The following PTPRR variants were observed in gnomAD, a reference collection of about 807,000 sequenced individuals.
PTPRR encodes the protein protein tyrosine phosphatase receptor type R.
PTPRR carries 38 observed loss-of-function variants against 77.2 expected under a neutral mutation model. The observed-to-expected ratio is 0.49, with a 90% confidence interval of 0.38 to 0.65. The LOEUF (loss-of-function observed/expected upper bound fraction) is 0.65. Among genes scored for constraint, PTPRR ranks in the 30% least tolerant of loss-of-function variants. The probability of loss-of-function intolerance (pLI) is 0.00; values close to 1 mark genes in which losing one functional copy is unlikely to be tolerated. For missense variants in PTPRR, 744 were observed against 799.2 expected (o/e 0.93, Z 0.83); for synonymous variants, 299 against 283.1 (o/e 1.06, Z -0.57).
intron 10 of PTPRR, among the ~76,000 whole-genome samples, chr12:70,680,051 G>A (rs1386658384): frequency 6.6e-6 from 1 of 152,046 alleles, no homozygotes; most frequent in Non-Finnish European, 1.5e-5. Flanking sequence ...TTGTGTATCT[G>A]CTGTAATTTT....
chr12:70,672,746 C>T, intron 10 of PTPRR: 3 of 1,552,038 alleles, frequency 1.9e-6, no homozygotes, highest in Non-Finnish European at 2.6e-6. Flanking sequence ...GTCATCCTGA[C>T]TGGGACCTCC....
intron 2 of PTPRR, among the ~76,000 whole-genome samples, chr12:70,772,531 G>C (rs533429875): frequency 1.3e-5 from 2 of 152,230 alleles, no homozygotes; most frequent in African/African-American, 4.8e-5. Flanking sequence ...AATGCTATAG[G>C]AATCAGAGAG....
At chr12:70,780,073 C>T (rs1367102777) in intron 2 of PTPRR, among the ~76,000 whole-genome samples, 4 of 151,958 alleles carry the variant, frequency 2.6e-5, no homozygotes, top group African/African-American at 4.8e-5. Context: ...CTCACTGCAA[C>T]CTCCGCCTAC....
intron 2 of PTPRR, chr12:70,788,853 C>T: frequency 6.6e-7 from 1 of 1,524,186 alleles, no homozygotes; most frequent in Non-Finnish European, 8.8e-7. Context: ...ATGAAGTCGA[C>T]TTCCATTTGC....
At chr12:70,736,151 GC>G (rs1224190900) in intron 6 of PTPRR, among the ~76,000 whole-genome samples, 1 of 152,042 alleles carries the variant, frequency 6.6e-6, no homozygotes. Context: ...TTACCACCAG[GC>G]CTCCAGAATG....
intron 5 of PTPRR, among the ~76,000 whole-genome samples, chr12:70,749,323 A>G (rs547528554): frequency 2.6e-5 from 4 of 152,166 alleles, no homozygotes; most frequent in Admixed American, 2.6e-4. Context: ...GTTCTTGGTC[A>G]AGTCATTTAT....
chr12:70,671,884 G>A lies in PTPRR; in HGVS notation c.1498-9279C>T. 7.1e-6 allele frequency: 5 copies of A among 702,492 alleles called. No individual in the cohort carries two copies. In the South Asian group the frequency reaches 9.2e-5, roughly 13 times the overall value. The allele number at this position is 702,492 out of a possible 1,614,324, so 43.5% of individuals were successfully genotyped here. A position where few individuals can be genotyped will look rare whatever the true frequency, so the allele number is the denominator to read the frequency against. ...CTCTGGCCCCACAAGCACTAACCCA[G>A]CGCAGGAGGACCAGCCACCGCCGCC... On this transcript the variant is annotated intron_variant, in intron 10 of 13. Transcript: ENST00000283228.
At chr12:70,707,882 TATG>T (rs1266348977) in intron 6 of PTPRR, among the ~76,000 whole-genome samples, 2 of 152,056 alleles carry the variant, frequency 1.3e-5, no homozygotes, top group African/African-American at 2.4e-5. Context: ...GCACTGAAAA[TATG>T]ATAAAACCTG....
At chr12:70,883,406 C>G (rs1222740995) in intron 2 of PTPRR, among the ~76,000 whole-genome samples, 1 of 152,208 alleles carries the variant, frequency 6.6e-6, no homozygotes, top group Non-Finnish European at 1.5e-5. Flanking sequence ...TACCACTTCT[C>G]TGGTAAGCCG....
intron 2 of PTPRR, among the ~76,000 whole-genome samples, chr12:70,863,476 G>T (rs940073482): frequency 2.0e-5 from 3 of 151,976 alleles, no homozygotes; most frequent in South Asian, 4.1e-4. Flanking sequence ...TTTTTAATTT[G>T]TGAAAAATTA....
In PTPRR at chr12:70,764,844, T is replaced by C. The variant is rs1890777870; in HGVS notation, c.358-66A>G. 27 of 1,174,374 alleles carry C rather than the reference T, an allele frequency of 2.3e-5. No individual in the cohort carries two copies. The South Asian group carries it at 3.0e-4, about 13-fold the overall frequency. The allele number at this position is 1,174,374 out of a possible 1,614,324, so 72.7% of individuals were successfully genotyped here. The stretch of plus-strand genomic sequence containing the variant: ...AATTTGTATAGATGTATAGAATACA[T>C]CCAAATAAGTATTAATAAGTTCACG... On this transcript the variant is annotated intron_variant, in intron 2 of 13. Coordinates refer to ENST00000283228, the MANE Select transcript of PTPRR (RefSeq NM_002849.4).
intron 10 of PTPRR, among the ~76,000 whole-genome samples, chr12:70,665,732 C>T (rs892947683): frequency 4.6e-5 from 7 of 151,678 alleles, no homozygotes; most frequent in Non-Finnish European, 7.4e-5. Context: ...CTCCTTCTGG[C>T]CCCCACCAAG....
intron 2 of PTPRR, among the ~76,000 whole-genome samples, chr12:70,866,592 C>T (rs1243312329): frequency 1.3e-5 from 2 of 152,160 alleles, no homozygotes; most frequent in African/African-American, 4.8e-5. Flanking sequence ...CAGCCGAATT[C>T]TACCAAAGGT....
At chr12:70,736,985 C>T (rs1889884410) in intron 6 of PTPRR, among the ~76,000 whole-genome samples, 1 of 152,178 alleles carries the variant, frequency 6.6e-6, no homozygotes, top group Non-Finnish European at 1.5e-5. Flanking sequence ...GCTGGTGCCC[C>T]ATCCTCTCCT....
At position 70,873,989 on chromosome 12, in the gene PTPRR, C is replaced by A. The variant is rs144674137; in HGVS notation, c.357+18690G>T. Among the ~76,000 whole-genome samples the A allele has an allele frequency of 4.5e-3, 685 of 152,248 alleles. 2 individuals carry two copies. Among genetic ancestry groups the A allele is most frequent in the Non-Finnish European group, 6.9e-3 (467 of 68,016 alleles). On this transcript the variant is annotated intron_variant, in intron 2 of 13. Coordinates refer to ENST00000283228, the MANE Select transcript of PTPRR (RefSeq NM_002849.4). Reference sequence around the variant, plus strand: ...GGTTAAAAAGTTTTCCTGCTATGTGCTAAGTGGGTTCTGAGGCTACTAATA... The same window carrying A: ...GGTTAAAAAGTTTTCCTGCTATGTGATAAGTGGGTTCTGAGGCTACTAATA...
chr12:70,744,613 T>C (rs1244886000), intron 6 of PTPRR, among the ~76,000 whole-genome samples: 1 of 152,216 alleles, frequency 6.6e-6, no homozygotes, highest in Non-Finnish European at 1.5e-5. Context: ...CCAAGCTATA[T>C]TTTCTGAAGG....
intron 1 of PTPRR, among the ~76,000 whole-genome samples, chr12:70,895,267 A>G (rs1893407809): frequency 6.6e-6 from 1 of 151,710 alleles, no homozygotes; most frequent in African/African-American, 2.4e-5. Flanking sequence ...ATCTTAAAAG[A>G]GGAGAAATAA....
In PTPRR at chr12:70,805,231, C is replaced by T. The variant is rs923512269; in HGVS notation, c.358-40453G>A. Reference sequence around the variant, plus strand: ...TGTTTCTATTTTATCCTGTAACATTCTTTTTGTACTTCTTGCAGTGCTTTC... The same window carrying T: ...TGTTTCTATTTTATCCTGTAACATTTTTTTTGTACTTCTTGCAGTGCTTTC... On this transcript the variant is annotated intron_variant, in intron 2 of 13. Transcript: ENST00000283228. 2.0e-5 allele frequency among the ~76,000 whole-genome samples: 3 copies of T among 151,886 alleles called. No individual in the cohort carries two copies. The East Asian group carries it at 5.8e-4, about 29-fold the overall frequency.
At chr12:70,699,683 A>G (rs1029299890) in intron 7 of PTPRR, among the ~76,000 whole-genome samples, 2 of 152,168 alleles carry the variant, frequency 1.3e-5, no homozygotes, top group African/African-American at 4.8e-5. Context: ...ATTTATCCCT[A>G]TTCTCTGCTC....
Sources: allele counts gnomAD v4.1 joint callset (sites outside exome capture counted in the v4.1 genomes callset), GRCh38; gene constraint gnomAD v4.1.1; transcripts MANE v1.5; gene names NCBI Gene and HGNC (gene_info 2026-07-23, HGNC 2026-07-21).